Variants in NTRK2 observed in about 807,000 individuals in gnomAD.
The protein encoded by NTRK2 is BDNF/NT-3 growth factors receptor.
NTRK2 carries 13 observed loss-of-function variants against 94.5 expected under a neutral mutation model. The observed-to-expected ratio is 0.14, with a 90% confidence interval of 0.09 to 0.22. The LOEUF is 0.22. Among genes scored for constraint, NTRK2 ranks in the 10% least tolerant of loss-of-function variants. NTRK2 has a pLI of 1.00. For synonymous variants in NTRK2, 372 were observed against 407.4 expected (o/e 0.91, Z 1.05); for missense variants, 639 against 1,071.2 (o/e 0.60, Z 5.63).
At chr9:84,911,588 C>T (rs1401347077) in intron 14 of NTRK2, among the ~76,000 whole-genome samples, 4 of 152,054 alleles carry the variant, frequency 2.6e-5, no homozygotes, top group African/African-American at 9.7e-5. Context: ...GTTATCTTCT[C>T]CATGTCTGTA....
intron 12 of NTRK2, among the ~76,000 whole-genome samples, chr9:84,802,935 T>C (rs2070678801): frequency 6.6e-6 from 1 of 152,164 alleles, no homozygotes; most frequent in African/African-American, 2.4e-5. Flanking sequence ...GGATCTGCCC[T>C]TATAAACCTT....
Position 84,727,957 on chromosome 9 carries a change from A to G in NTRK2, c.1157A>G (p.Asp386Gly), listed in dbSNP as rs2132083289. The G allele has an allele frequency of 6.2e-7, 1 of 1,613,854 alleles. No homozygotes were observed. The highest frequency in any genetic ancestry group is 1.3e-5 in the African/African-American group (1 of 75,054). The change falls in exon 9 of 19, where the codon GAT (aspartate) becomes GGT (glycine). Residue 386 changes from aspartate to glycine, a missense_variant and splice_region_variant. By Grantham distance (94) the Asp-to-Gly change is moderately conservative (BLOSUM62 -1). Transcript: ENST00000277120. ...TTCATGGGCTGGCCTGGAATTGACG[A>G]TGGTGAGTAACTGACACTTTTGTAT... ...AHFMGWPGID[D>G]GANPNYPDVI...
intron 12 of NTRK2, among the ~76,000 whole-genome samples, chr9:84,762,533 A>G (rs1337003696): frequency 6.6e-6 from 1 of 152,194 alleles, no homozygotes; most frequent in Non-Finnish European, 1.5e-5. Flanking sequence ...AGGTAGATTT[A>G]TGTGCATATT....
At chr9:84,845,156 G>A (rs1345315455) in intron 12 of NTRK2, among the ~76,000 whole-genome samples, 3 of 151,990 alleles carry the variant, frequency 2.0e-5, no homozygotes, top group African/African-American at 7.3e-5. Flanking sequence ...ACATGCATAG[G>A]CATGTTTATA....
In NTRK2 at chr9:84,742,789, G is replaced by GCTTTTTTT. The variant is rs1221783716; in HGVS notation, c.1195+862_1195+863insCTTTTTTT. On this transcript the variant is annotated intron_variant, in intron 10 of 18. Coordinates refer to ENST00000277120, the MANE Select transcript of NTRK2 (RefSeq NM_006180.6). ...AAAGAAACCAAAGTCCATTATATTA[G>GCTTTTTTT]TTTTTTTTTTTTTTTTTTTTTTTTT... Among the ~76,000 whole-genome samples the GCTTTTTTT allele has an allele frequency of 5.8e-5, 6 of 103,698 alleles. 1 individual carries two copies. Among genetic ancestry groups the GCTTTTTTT allele is most frequent in the African/African-American group, 2.4e-4 (6 of 24,844 alleles). The allele number at this position is 103,698 out of a possible 152,430, so 68.0% of individuals were successfully genotyped here.
At chr9:84,795,557 A>G (rs780694130) in intron 12 of NTRK2, among the ~76,000 whole-genome samples, 16 of 152,082 alleles carry the variant, frequency 1.1e-4, no homozygotes, top group Non-Finnish European at 2.1e-4. Flanking sequence ...GCTGCTTCCC[A>G]GAGGTCTTTA....
chr9:84,854,153 T>C (rs1280913452), intron 12 of NTRK2, among the ~76,000 whole-genome samples: 1 of 151,884 alleles, frequency 6.6e-6, no homozygotes, highest in Non-Finnish European at 1.5e-5. Flanking sequence ...CTGGAAGCCT[T>C]CAGTCAATGA....
At chr9:84,872,714 GTA>G in intron 14 of NTRK2, 1 of 1,064,732 alleles carries the variant, frequency 9.4e-7, no homozygotes, top group Non-Finnish European at 1.1e-6. Context: ...GTATCCTTGT[GTA>G]TATGTGTGTT....
intron 14 of NTRK2, chr9:84,874,276 C>T (rs2075984098): frequency 1.9e-6 from 2 of 1,065,468 alleles, no homozygotes; most frequent in East Asian, 5.0e-5. Flanking sequence ...CAATTGAGTG[C>T]TCCCTCTGGT....
At chr9:84,876,770 C>T in intron 14 of NTRK2, 1 of 1,061,136 alleles carries the variant, frequency 9.4e-7, no homozygotes, top group Non-Finnish European at 1.1e-6. Flanking sequence ...ATTATCAATA[C>T]ATGTAGCTGC....
At chr9:85,000,293 G>A (rs6559844) in intron 17 of NTRK2, among the ~76,000 whole-genome samples, 111,009 of 151,932 alleles carry the variant, frequency 0.73, 41,216 homozygotes, top group African/African-American at 0.82. Context: ...CTCTTGATGT[G>A]CTTTCTATGG....
chr9:84,698,006 T>C (rs111321724), intron 2 of NTRK2, among the ~76,000 whole-genome samples: 212 of 152,326 alleles, frequency 1.4e-3, no homozygotes, highest in African/African-American at 5.0e-3. Context: ...TTCAAAAAAG[T>C]ATAATGACAT....
At chr9:84,970,747 G>C (rs1022169567) in intron 17 of NTRK2, among the ~76,000 whole-genome samples, 21 of 152,306 alleles carry the variant, frequency 1.4e-4, no homozygotes, top group African/African-American at 5.1e-4. Context: ...ATCCTATCCA[G>C]CAACTTCACT....
intron 12 of NTRK2, among the ~76,000 whole-genome samples, chr9:84,772,039 C>G (rs1483925810): frequency 1.3e-5 from 2 of 152,140 alleles, no homozygotes; most frequent in African/African-American, 4.8e-5. Flanking sequence ...TTCTGTGACT[C>G]AACCTCTCTA....
chr9:84,925,725 G>T (rs2077740816), intron 14 of NTRK2, among the ~76,000 whole-genome samples: 1 of 152,120 alleles, frequency 6.6e-6, no homozygotes, highest in Non-Finnish European at 1.5e-5. Context: ...CCCGCCCTCA[G>T]CTCTGTACCA....
intron 12 of NTRK2, among the ~76,000 whole-genome samples, chr9:84,817,060 C>T (rs940718854): frequency 1.3e-5 from 2 of 152,148 alleles, no homozygotes; most frequent in African/African-American, 2.4e-5. Context: ...AAGAATAGTA[C>T]AATATTTACC....
chr9:84,846,477 T>C (rs2074480399), intron 12 of NTRK2, among the ~76,000 whole-genome samples: 4 of 152,226 alleles, frequency 2.6e-5, no homozygotes. Flanking sequence ...CCCACCAGCA[T>C]CTTTCACGTT....
intron 17 of NTRK2, among the ~76,000 whole-genome samples, chr9:85,003,474 A>G (rs1830546235): frequency 6.6e-6 from 1 of 152,190 alleles, no homozygotes; most frequent in South Asian, 2.1e-4. Context: ...AGGAAGGGAA[A>G]GAGAGCCAAC....
At chr9:84,786,826 TACAAAGAATTTTGCATG>T (rs1191247396) in intron 12 of NTRK2, among the ~76,000 whole-genome samples, 2 of 152,186 alleles carry the variant, frequency 1.3e-5, no homozygotes. Flanking sequence ...GCAGCTCTAC[TACAAAGAATTTTGCATG>T]AGTGATCCTG....
Sources: allele counts gnomAD v4.1 joint callset (sites outside exome capture counted in the v4.1 genomes callset), GRCh38; gene constraint gnomAD v4.1.1; transcripts MANE v1.5; gene names NCBI Gene and HGNC (gene_info 2026-07-23, HGNC 2026-07-21).